Variants in GMDS observed in about 807,000 individuals in gnomAD.
GMDS encodes GDP-mannose 4,6-dehydratase, also known as GDP-mannose 4,6 dehydratase.
A neutral mutation model predicts 49.9 loss-of-function variants in GMDS; 20 were observed. That is an observed-to-expected ratio of 0.40 (90% CI 0.28 to 0.58). The LOEUF (loss-of-function observed/expected upper bound fraction) is 0.58. GMDS is among the 20% of genes least tolerant of loss of function. GMDS has a pLI of 0.42. For synonymous variants in GMDS, 177 were observed against 178.6 expected (o/e 0.99, Z 0.07); for missense variants, 362 against 481.4 (o/e 0.75, Z 2.32).
intron 7 of GMDS, among the ~76,000 whole-genome samples, chr6:1,829,495 G>A (rs1229425858): frequency 6.6e-6 from 1 of 152,216 alleles, no homozygotes. Context: ...GTGCACTGGT[G>A]TGGATCACAG....
At chr6:2,066,867 T>G (rs922819077) in intron 4 of GMDS, among the ~76,000 whole-genome samples, 1 of 151,282 alleles carries the variant, frequency 6.6e-6, no homozygotes, top group African/African-American at 2.4e-5. Flanking sequence ...AGACAGAAAG[T>G]CAACAAGGAT....
chr6:2,134,892 C>T lies in GMDS; in HGVS notation c.103-10161G>A, dbSNP rs187767015. 5.7e-3 allele frequency among the ~76,000 whole-genome samples: 864 copies of T among 152,220 alleles called. 2 individuals carry two copies. The highest frequency in any genetic ancestry group is 0.017 in the Middle Eastern group (5 of 294). ...TTCTATCAAAATAATATCTTACATT[C>T]CTGTAATTTCTTATAGTTGCTAAGT... On this transcript the variant is annotated intron_variant, in intron 1 of 10. Coordinates refer to ENST00000380815, the MANE Select transcript of GMDS (RefSeq NM_001500.4).
At chr6:1,762,454 G>A (rs931729246) in intron 7 of GMDS, among the ~76,000 whole-genome samples, 3 of 152,206 alleles carry the variant, frequency 2.0e-5, no homozygotes, top group Non-Finnish European at 4.4e-5. Flanking sequence ...ATGCTCGCAC[G>A]GCGAGCAACC....
chr6:1,743,840 C>CA (rs397702222), intron 7 of GMDS, among the ~76,000 whole-genome samples: 82,854 of 149,850 alleles, frequency 0.55, 23,448 homozygotes, highest in African/African-American at 0.67. Context: ...TGAAGCAAAA[C>CA]AAAAAAAAAT....
At chr6:2,066,682 G>A (rs1771617038) in intron 4 of GMDS, among the ~76,000 whole-genome samples, 1 of 152,128 alleles carries the variant, frequency 6.6e-6, no homozygotes, top group Non-Finnish European at 1.5e-5. Flanking sequence ...ATTACTTAAT[G>A]GTAAAGGGAT....
intron 4 of GMDS, among the ~76,000 whole-genome samples, chr6:1,975,849 G>A (rs1764870111): frequency 6.6e-6 from 1 of 152,148 alleles, no homozygotes; most frequent in Non-Finnish European, 1.5e-5. Context: ...ACACTAACAA[G>A]CCAAGAAAAT....
At chr6:1,701,005 G>A (rs745459002) in intron 9 of GMDS, among the ~76,000 whole-genome samples, 7 of 152,262 alleles carry the variant, frequency 4.6e-5, no homozygotes, top group Admixed American at 1.3e-4. Context: ...TGATGCCGCC[G>A]GGGTGACAAA....
At chr6:1,844,471 T>C (rs1757295697) in intron 7 of GMDS, among the ~76,000 whole-genome samples, 1 of 152,228 alleles carries the variant, frequency 6.6e-6, no homozygotes, top group Non-Finnish European at 1.5e-5. Context: ...CATACCATAC[T>C]TTTTGCATTC....
At chr6:1,908,368 C>T (rs1486644401) in intron 7 of GMDS, among the ~76,000 whole-genome samples, 1 of 152,146 alleles carries the variant, frequency 6.6e-6, no homozygotes, top group Non-Finnish European at 1.5e-5. Context: ...GCTACCGTAC[C>T]ATTCTTTGTA....
rs1248577295 is a variant in GMDS at position 2,136,419 on chromosome 6, T to C, written c.103-11688A>G. 2.0e-5 allele frequency among the ~76,000 whole-genome samples: 3 copies of C among 152,200 alleles called. No homozygotes were observed. In the East Asian group the frequency reaches 5.8e-4, roughly 29 times the overall value. On this transcript the variant is annotated intron_variant, in intron 1 of 10. Transcript: ENST00000380815. ...TTGACAAAACTGGTTCACTTTTGTT[T>C]AAAAGAACTGATTTGGGCCAGGCGT... is the stretch of plus-strand genomic sequence containing the variant.
At chr6:2,065,153 G>A (rs537736219) in intron 4 of GMDS, among the ~76,000 whole-genome samples, 2 of 152,262 alleles carry the variant, frequency 1.3e-5, no homozygotes, top group South Asian at 4.1e-4. Flanking sequence ...GCACCCCCCA[G>A]CAGGGGCAGA....
In GMDS at chr6:1,780,682, G is replaced by A. The variant is rs527471671; in HGVS notation, c.772-38096C>T. 9.2e-5 allele frequency among the ~76,000 whole-genome samples: 14 copies of A among 152,306 alleles called. No individual in the cohort carries two copies. In the East Asian group the frequency reaches 1.7e-3, roughly 19 times the overall value. On this transcript the variant is annotated intron_variant, in intron 7 of 10. Coordinates refer to ENST00000380815, the MANE Select transcript of GMDS (RefSeq NM_001500.4). ...TCTGCCCGTCTCCTGCCCAGGTGCC[G>A]GCAGCATCAACACGCAACGGCTCAC... is the stretch of plus-strand genomic sequence containing the variant.
intron 9 of GMDS, among the ~76,000 whole-genome samples, chr6:1,642,475 C>T (rs867838803): frequency 1.7e-4 from 26 of 152,098 alleles, no homozygotes; most frequent in Admixed American, 2.6e-4. Flanking sequence ...GGCCAGTTTC[C>T]GTCTTTAAAC....
chr6:2,222,116 A>C (rs923873563), intron 1 of GMDS, among the ~76,000 whole-genome samples: 4 of 152,238 alleles, frequency 2.6e-5, no homozygotes, highest in African/African-American at 7.2e-5. Flanking sequence ...AGTATGCTGA[A>C]GTCTGATAAT....
chr6:1,864,354 T>C (rs1758340409), intron 7 of GMDS, among the ~76,000 whole-genome samples: 1 of 152,168 alleles, frequency 6.6e-6, no homozygotes, highest in African/African-American at 2.4e-5. Context: ...GAAAAATGAA[T>C]TAATAAAACA....
intron 1 of GMDS, among the ~76,000 whole-genome samples, chr6:2,169,148 G>A (rs1016272290): frequency 6.6e-6 from 1 of 152,152 alleles, no homozygotes; most frequent in Non-Finnish European, 1.5e-5. Flanking sequence ...ATCAGAAGGT[G>A]TTAAATTCAC....
intron 4 of GMDS, among the ~76,000 whole-genome samples, chr6:1,991,127 A>G (rs1031064585): frequency 7.9e-5 from 12 of 152,052 alleles, no homozygotes; most frequent in African/African-American, 2.9e-4. Context: ...TCACCCAGAA[A>G]ACAGACAAGT....
At chr6:2,163,944 T>C (rs1458624192) in intron 1 of GMDS, among the ~76,000 whole-genome samples, 3 of 152,260 alleles carry the variant, frequency 2.0e-5, no homozygotes, top group East Asian at 1.9e-4. Context: ...CCATGTCTTC[T>C]GGACCCTCCC....
chr6:2,044,197 C>T (rs1184223580), intron 4 of GMDS, among the ~76,000 whole-genome samples: 1 of 152,198 alleles, frequency 6.6e-6, no homozygotes. Flanking sequence ...TTCAACCCAG[C>T]AATCCCATTA....
Sources: allele counts gnomAD v4.1 joint callset (sites outside exome capture counted in the v4.1 genomes callset), GRCh38; gene constraint gnomAD v4.1.1; transcripts MANE v1.5; gene names NCBI Gene and HGNC (gene_info 2026-07-23, HGNC 2026-07-21).